CTBP1: variants seen among roughly 807,000 people sequenced by gnomAD.
CTBP1 encodes the protein C-terminal-binding protein 1.
CTBP1 carries 11 observed loss-of-function variants against 42.1 expected under a neutral mutation model. That is an observed-to-expected ratio of 0.26 (90% CI 0.16 to 0.43). CTBP1 has a LOEUF of 0.43. Among genes scored for constraint, CTBP1 ranks in the 20% least tolerant of loss-of-function variants. The pLI is 1.00. For synonymous variants in CTBP1, 324 were observed against 277.1 expected (o/e 1.17, Z -1.68); for missense variants, 399 against 624.3 (o/e 0.64, Z 3.85).
At chr4:1,231,202 T>C (rs1403542244) in intron 3 of CTBP1, 2 of 69,468 alleles carry the variant, frequency 2.9e-5, no homozygotes, top group East Asian at 8.6e-4. Context: ...CAGGCCAGGG[T>C]GCCACAGCGG....
chr4:1,247,562 C>G (rs1732847116), intron 1 of CTBP1, among the ~76,000 whole-genome samples: 1 of 152,152 alleles, frequency 6.6e-6, no homozygotes, highest in African/African-American at 2.4e-5. Flanking sequence ...CAGCTGTCAT[C>G]CTCAGCTGCA....
intron 4 of CTBP1, 28 bp from the exon 5 acceptor site, chr4:1,225,594 C>A: frequency 1.3e-6 from 2 of 1,529,376 alleles, no homozygotes; most frequent in East Asian, 2.5e-5. Flanking sequence ...CGGCGGTCAC[C>A]CCCGGGCCGG....
At chr4:1,241,218 A>G in intron 2 of CTBP1, 107 bp downstream of exon 2, 1 of 775,166 alleles carries the variant, frequency 1.3e-6, no homozygotes, top group Non-Finnish European at 2.4e-6. Context: ...CCCGACGCCC[A>G]TGCAGCCCAG....
At position 1,239,833 on chromosome 4, in the gene CTBP1, G is replaced by A. The variant is rs749520661; in HGVS notation, c.7+1492C>T. Among the ~76,000 whole-genome samples the A allele has an allele frequency of 5.3e-5, 8 of 152,220 alleles. No individual in the cohort carries two copies. In the East Asian group the frequency reaches 5.8e-4, roughly 11 times the overall value. On this transcript the variant is annotated intron_variant, in intron 2 of 9. Transcript: ENST00000382952. Reference sequence around the variant, plus strand: ...CAGATCCCAAACGTGAGGTCTGCACGGTCAAAACCGCGTCCTGGTTCGCCT... The same window carrying A: ...CAGATCCCAAACGTGAGGTCTGCACAGTCAAAACCGCGTCCTGGTTCGCCT...
intron 1 of CTBP1, among the ~76,000 whole-genome samples, chr4:1,246,157 G>A (rs1222620025): frequency 6.6e-6 from 1 of 152,190 alleles, no homozygotes; most frequent in Non-Finnish European, 1.5e-5. Flanking sequence ...GCGGGGGAGA[G>A]CAGTGGGCTC....
rs1731632268 is a variant in CTBP1 at position 1,237,307 on chromosome 4, T to C, written c.162+876A>G. 5.0e-5 allele frequency: 34 copies of C among 676,656 alleles called. No homozygotes were observed. The South Asian group carries it at 5.1e-4, about 10-fold the overall frequency. 41.9% of individuals were successfully genotyped at this position (676,656 alleles called of 1,614,324 possible). ...GGAAAACCCGGTGTCCACCTCCTGATGGGGCTCAGGACAAACCGAGTGTCC... is the reference window on the plus strand; with the variant it reads ...GGAAAACCCGGTGTCCACCTCCTGACGGGGCTCAGGACAAACCGAGTGTCC... On this transcript the variant is annotated intron_variant, in intron 3 of 9. Coordinates refer to ENST00000382952, the MANE Select transcript of CTBP1 (RefSeq NM_001012614.2).
chr4:1,221,671 TG>T, intron 5 of CTBP1: 1 of 283,666 alleles, frequency 3.5e-6, no homozygotes, highest in East Asian at 1.3e-4. Flanking sequence ...TCGGCACAGC[TG>T]GGGAAGGCCC....
At chr4:1,249,571 G>A (rs1013256431), upstream of CTBP1, 22 of 302,516 alleles carry the variant, frequency 7.3e-5, 1 homozygote, top group Non-Finnish European at 1.3e-4. Flanking sequence ...CCCGCGGCCT[G>A]GCCCGTGCGC....
intron 1 of CTBP1, chr4:1,248,565 G>T (rs1282869155): frequency 7.5e-6 from 4 of 531,432 alleles, no homozygotes; most frequent in Non-Finnish European, 9.6e-6. Flanking sequence ...CGGGGATCGG[G>T]ACCCGGGGTG....
chr4:1,220,200 CA>C (rs567811704), intron 5 of CTBP1, among the ~76,000 whole-genome samples: 2,984 of 58,966 alleles, frequency 0.051, 78 homozygotes, highest in African/African-American at 0.16. Context: ...GACTCTGTCT[CA>C]AAAAAAAAAA....
At chr4:1,240,271 T>G (rs1314179118) in intron 2 of CTBP1, among the ~76,000 whole-genome samples, 8 of 62,774 alleles carry the variant, frequency 1.3e-4, no homozygotes, top group African/African-American at 2.8e-4. Context: ...TGGGACCGGG[T>G]CCCTCGTCGG....
chr4:1,249,926 A>G, upstream of CTBP1: 1 of 188,308 alleles, frequency 5.3e-6, no homozygotes, highest in Non-Finnish European at 1.1e-5. Context: ...GAGGGCCCGA[A>G]AGTCCCTTCA....
chr4:1,232,248 T>A (rs905343815), intron 3 of CTBP1, among the ~76,000 whole-genome samples: 1 of 152,198 alleles, frequency 6.6e-6, no homozygotes, highest in African/African-American at 2.4e-5. Flanking sequence ...GGCACACAAA[T>A]TGAAAATACC....
chr4:1,229,976 T>A (rs1730787232), intron 3 of CTBP1, among the ~76,000 whole-genome samples: 1 of 152,080 alleles, frequency 6.6e-6, no homozygotes, highest in African/African-American at 2.4e-5. Flanking sequence ...TTGGAGCACC[T>A]CGGCTGCAGG....
intron 1 of CTBP1, chr4:1,245,082 C>G: frequency 1.0e-6 from 1 of 983,964 alleles, no homozygotes; most frequent in Non-Finnish European, 1.2e-6. Context: ...GCCCGTCACC[C>G]ACAGGTTGAA....
intron 3 of CTBP1, chr4:1,236,365 G>T: frequency 2.0e-6 from 1 of 502,098 alleles, no homozygotes; most frequent in South Asian, 2.5e-5. Flanking sequence ...CTCACTGCTG[G>T]ACCAAAGCCA....
intron 5 of CTBP1, among the ~76,000 whole-genome samples, chr4:1,224,180 C>T (rs1315004454): frequency 1.3e-5 from 2 of 152,198 alleles, no homozygotes; most frequent in African/African-American, 4.8e-5. Flanking sequence ...CGTACGTGCC[C>T]ATGACTGACA....
At chr4:1,248,610 G>A in intron 1 of CTBP1, 1 of 906,738 alleles carries the variant, frequency 1.1e-6, no homozygotes, top group African/African-American at 1.8e-5. Context: ...GGTCGGTGGA[G>A]CTGGGGGTCC....
In CTBP1 at chr4:1,227,407, C is replaced by G. The variant is rs142472619; in HGVS notation, c.307+792G>C. Among the ~76,000 whole-genome samples the G allele has an allele frequency of 3.4e-3, 428 of 125,602 alleles. 13 individuals are homozygous for G. The highest frequency in any genetic ancestry group is 0.013 in the Middle Eastern group (2 of 150). 82.4% of individuals were successfully genotyped at this position (125,602 alleles called of 152,430 possible). ...CAGATGTGCGTGTTCTGTGTGTGTTCTGTGTGCTGAGTGTGCGTGATCCGT... is the reference window on the plus strand; with the variant it reads ...CAGATGTGCGTGTTCTGTGTGTGTTGTGTGTGCTGAGTGTGCGTGATCCGT... On this transcript the variant is annotated intron_variant, in intron 4 of 9. Coordinates refer to ENST00000382952, the MANE Select transcript of CTBP1 (RefSeq NM_001012614.2).
Sources: allele counts gnomAD v4.1 joint callset (sites outside exome capture counted in the v4.1 genomes callset), GRCh38; gene constraint gnomAD v4.1.1; transcripts MANE v1.5; gene names NCBI Gene and HGNC (gene_info 2026-07-23, HGNC 2026-07-21).